Variants in ACACA observed in about 807,000 individuals in gnomAD.
ACACA encodes acetyl-CoA carboxylase 1.
ACACA carries 103 observed loss-of-function variants against 296.1 expected under a neutral mutation model. That is an observed-to-expected ratio of 0.35 (90% CI 0.30 to 0.41). The LOEUF is 0.41. ACACA is among the 10% of genes least tolerant of loss of function. The pLI, the probability that ACACA is intolerant of heterozygous loss-of-function variation, is 1.00. For missense variants in ACACA, 1,554 were observed against 2,989.7 expected, an observed-to-expected ratio of 0.52 and a Z score of 11.20; for synonymous variants, 953 against 1,038.6, an observed-to-expected ratio of 0.92 and a Z score of 1.58.
intron 16 of ACACA, among the ~76,000 whole-genome samples, chr17:37,250,739 C>T (rs985718384): frequency 4.0e-5 from 6 of 151,568 alleles, no homozygotes; most frequent in Admixed American, 3.3e-4. Context: ...TTAAAAAGGC[C>T]GGGCAGCCGG....
At chr17:37,253,686 A>G (rs2081097806) in intron 14 of ACACA, among the ~76,000 whole-genome samples, 1 of 152,188 alleles carries the variant, frequency 6.6e-6, no homozygotes, top group African/African-American at 2.4e-5. Context: ...AGTTTCCATT[A>G]TTCCATTCAT....
chr17:37,402,743 G>A (rs1479413675), intron 1 of ACACA, among the ~76,000 whole-genome samples: 20 of 151,962 alleles, frequency 1.3e-4, no homozygotes, highest in Non-Finnish European at 1.5e-5. Context: ...CACGATCTCA[G>A]CTCACTGCAA....
intron 1 of ACACA, chr17:37,391,781 T>C: frequency 4.1e-6 from 6 of 1,448,716 alleles, no homozygotes; most frequent in Non-Finnish European, 4.8e-6. Flanking sequence ...TCCCTATTAA[T>C]ATGGGCACAT....
chr17:37,273,893 C>T (rs2082168006), intron 9 of ACACA, among the ~76,000 whole-genome samples: 1 of 152,190 alleles, frequency 6.6e-6, no homozygotes. Flanking sequence ...AGAATCAGCA[C>T]CTCCTTAAAA....
rs372940894 is a variant in ACACA, at chr17:37,149,851, C to G, written c.5679+13G>C. 1.2e-6 allele frequency: 2 copies of G among 1,608,646 alleles called. No individual in the cohort carries two copies. The highest frequency in any genetic ancestry group is 3.3e-5 in the Admixed American group (2 of 59,988). ...TCAGCTATGCATACTTCTTCAAAAC[C>G]CTAGAAACTTACTTTGTTGAGGGCT... is the stretch of plus-strand genomic sequence containing the variant. On this transcript the variant is annotated intron_variant, in intron 45 of 55. Coordinates refer to ENST00000616317, the MANE Select transcript of ACACA (RefSeq NM_198834.3).
At position 37,289,349 on chromosome 17, in the gene ACACA, C is replaced by T. The variant is rs924048553; in HGVS notation, c.339-4379G>A. 3 of 780,788 alleles carry T rather than the reference C, an allele frequency of 3.8e-6. No homozygotes were observed. In the African/African-American group the frequency reaches 5.4e-5, roughly 14 times the overall value. The allele number at this position is 780,788 out of a possible 1,614,324, so 48.4% of individuals were successfully genotyped here. On this transcript the variant is annotated intron_variant, in intron 3 of 55. Transcript: ENST00000616317. Reference sequence around the variant, plus strand: ...GTAAATTATTCCTCAGTAAAGTTGGCTTTTAAAGAACTGTTACTAATGGTA... The same window carrying T: ...GTAAATTATTCCTCAGTAAAGTTGGTTTTTAAAGAACTGTTACTAATGGTA...
chr17:37,233,977 C>T (rs1361284690), intron 25 of ACACA, among the ~76,000 whole-genome samples: 1 of 152,154 alleles, frequency 6.6e-6, no homozygotes, highest in Admixed American at 6.5e-5. Context: ...ACCAGCTAGG[C>T]ATATAACTGA....
rs1038297924 is a variant in ACACA at position 37,248,733 on chromosome 17, A to G, written c.2082-59T>C. The G allele has an allele frequency of 6.6e-6, 8 of 1,217,774 alleles. No individual in the cohort carries two copies. The African/African-American group carries it at 1.2e-4, about 18-fold the overall frequency. The allele number at this position is 1,217,774 out of a possible 1,614,324, so 75.4% of individuals were successfully genotyped here. On this transcript the variant is annotated intron_variant, in intron 16 of 55. Transcript: ENST00000616317. ...AGTTCTAACAGTTATAAGAGAATCT[A>G]AAACATTATTGATTGTAGCATTTCC...
At chr17:37,226,202 G>A in intron 26 of ACACA, 137 bp downstream of exon 26, 1 of 796,336 alleles carries the variant, frequency 1.3e-6, no homozygotes, top group East Asian at 2.4e-5. Context: ...GAAAACATTT[G>A]TTCTGAGGAA....
At chr17:37,251,188 A>G (rs939791159) in intron 16 of ACACA, among the ~76,000 whole-genome samples, 8 of 152,200 alleles carry the variant, frequency 5.3e-5, no homozygotes, top group Non-Finnish European at 1.0e-4. Context: ...AACAGAAATA[A>G]ATAAGACTGG....
chr17:37,247,023 G>A (rs2146020605), intron 18 of ACACA, 47 bp from the exon 19 acceptor site: 2 of 1,605,538 alleles, frequency 1.2e-6, no homozygotes, highest in Middle Eastern at 1.7e-4. Flanking sequence ...ACCTCAGGAT[G>A]TAAAGGAGAA....
chr17:37,323,581 T>A (rs190989739), intron 3 of ACACA, among the ~76,000 whole-genome samples: 1 of 152,036 alleles, frequency 6.6e-6, no homozygotes, highest in Admixed American at 6.5e-5. Context: ...GGTGACAGAG[T>A]GAGACCAAAC....
chr17:37,342,337 A>G (rs1331449392), intron 1 of ACACA, among the ~76,000 whole-genome samples: 1 of 140,888 alleles, frequency 7.1e-6, no homozygotes, highest in Admixed American at 7.4e-5. Flanking sequence ...GAACCCAGGA[A>G]GCGGACGTTG....
At position 37,232,032 on chromosome 17, in the gene ACACA, T is replaced by C. The variant is rs952015070; in HGVS notation, c.3246+2943A>G. 3.9e-5 allele frequency among the ~76,000 whole-genome samples: 6 copies of C among 152,334 alleles called. No individual in the cohort carries two copies. In the South Asian group the frequency reaches 1.2e-3, roughly 32 times the overall value. On this transcript the variant is annotated intron_variant, in intron 25 of 55. Coordinates refer to ENST00000616317, the MANE Select transcript of ACACA (RefSeq NM_198834.3). Reference sequence around the variant, plus strand: ...GGACTTTAGCCTTTTACCTGATACTTTGCTTTCCAGACAGAGTGAAAGATT... The same window carrying C: ...GGACTTTAGCCTTTTACCTGATACTCTGCTTTCCAGACAGAGTGAAAGATT...
chr17:37,390,253 T>TA (rs2050767925), intron 1 of ACACA, among the ~76,000 whole-genome samples: 1 of 35,086 alleles, frequency 2.9e-5, no homozygotes, highest in East Asian at 1.8e-3. Context: ...TATATATATA[T>TA]TATATATAAT....
At chr17:37,240,879 A>G (rs906182003) in intron 23 of ACACA, among the ~76,000 whole-genome samples, 8 of 152,300 alleles carry the variant, frequency 5.3e-5, no homozygotes, top group Non-Finnish European at 8.8e-5. Flanking sequence ...TGAAAAATTT[A>G]TAAGTATCTT....
chr17:37,375,859 C>G, intron 1 of ACACA: 1 of 466,202 alleles, frequency 2.1e-6, no homozygotes, highest in Admixed American at 3.8e-5. Context: ...GCACCGGCAG[C>G]GAAGTCAGAA....
chr17:37,356,308 T>C (rs1430078494), intron 1 of ACACA, among the ~76,000 whole-genome samples: 1 of 152,222 alleles, frequency 6.6e-6, no homozygotes, highest in Non-Finnish European at 1.5e-5. Context: ...TTCTACTGTT[T>C]ATTCGCTTTT....
chr17:37,148,230 T>TAA (rs755283220), intron 45 of ACACA, among the ~76,000 whole-genome samples: 7 of 135,996 alleles, frequency 5.1e-5, no homozygotes, highest in Admixed American at 7.3e-5. Flanking sequence ...AAGAGCAACT[T>TAA]AAAAAAAAAA....
Sources: gnomAD v4.1 joint callset for allele counts (sites outside exome capture counted in the v4.1 genomes callset) on GRCh38, gnomAD v4.1.1 for gene constraint, MANE v1.5 for transcripts, NCBI Gene and HGNC (gene_info 2026-07-23, HGNC 2026-07-21) for gene names.